The following DISC1 variants were observed in gnomAD, a reference collection of about 807,000 sequenced individuals.
DISC1 encodes disrupted in schizophrenia 1 protein.
DISC1 carries 57 observed loss-of-function variants against 84.5 expected under a neutral mutation model. That is an observed-to-expected ratio of 0.67 (90% CI 0.55 to 0.84). The LOEUF is 0.84. Among genes scored for constraint, DISC1 ranks in the 40% least tolerant of loss-of-function variants. The pLI is 0.00. For missense variants in DISC1, 1,000 were observed against 1,057.8 expected, an observed-to-expected ratio of 0.95 and a Z score of 0.76; for synonymous variants, 411 against 415.2, an observed-to-expected ratio of 0.99 and a Z score of 0.12.
In DISC1 at chr1:231,805,318, T is replaced by C. The variant is rs149362829; in HGVS notation, c.1792+5108T>C. Among the ~76,000 whole-genome samples, 11 of 152,320 alleles carry C rather than the reference T, an allele frequency of 7.2e-5. No homozygotes were observed. In the East Asian group the frequency reaches 1.7e-3, roughly 24 times the overall value. ...TCTCACACTGCTGTAAAGAAATACCTGAGGCTGGGTAATTTATAAAGAAAG... is the reference window on the plus strand; with the variant it reads ...TCTCACACTGCTGTAAAGAAATACCCGAGGCTGGGTAATTTATAAAGAAAG... On this transcript the variant is annotated intron_variant, in intron 8 of 12. Transcript: ENST00000439617.
chr1:231,742,493 C>T (rs1307106737), intron 3 of DISC1, among the ~76,000 whole-genome samples: 1 of 152,132 alleles, frequency 6.6e-6, no homozygotes, highest in Non-Finnish European at 1.5e-5. Flanking sequence ...ATAACTGGGG[C>T]TGAGCATGGT....
chr1:231,987,301 T>A (rs1664582365), intron 10 of DISC1, among the ~76,000 whole-genome samples: 1 of 152,206 alleles, frequency 6.6e-6, no homozygotes, highest in Admixed American at 6.5e-5. Flanking sequence ...TTTTTTCGCT[T>A]AGCCTGAATG....
chr1:232,029,280 A>T (rs111571798), intron 12 of DISC1, among the ~76,000 whole-genome samples: 66 of 152,312 alleles, frequency 4.3e-4, no homozygotes, highest in African/African-American at 1.4e-3. Context: ...GTCTTCTGTC[A>T]CTGATTGAGA....
intron 11 of DISC1, among the ~76,000 whole-genome samples, chr1:232,011,846 G>A (rs1249295543): frequency 6.6e-6 from 1 of 152,144 alleles, no homozygotes; most frequent in East Asian, 1.9e-4. Flanking sequence ...CAGTGCTTTT[G>A]TCTCAGGGCT....
At chr1:231,807,802 A>G (rs2079866995) in intron 8 of DISC1, among the ~76,000 whole-genome samples, 1 of 152,216 alleles carries the variant, frequency 6.6e-6, no homozygotes. Context: ...AAGCTAAACA[A>G]ACACAGCCCT....
intron 8 of DISC1, among the ~76,000 whole-genome samples, chr1:231,807,607 G>A (rs754772679): frequency 1.3e-5 from 2 of 152,134 alleles, no homozygotes; most frequent in Non-Finnish European, 2.9e-5. Context: ...CAGTGGGTAC[G>A]TCTGGTTTTA....
intron 9 of DISC1, among the ~76,000 whole-genome samples, chr1:231,877,994 A>G: frequency 6.6e-6 from 1 of 152,274 alleles, no homozygotes; most frequent in East Asian, 1.9e-4. Context: ...TGCAGCAGAA[A>G]GGAATTAAAC....
chr1:232,026,531 A>G lies in DISC1; in HGVS notation c.2404A>G (p.Ser802Gly), dbSNP rs758566779. ...LEDQLHTAIHSHDEDLIQSLR... is the reference protein window; with the variant it reads ...LEDQLHTAIHGHDEDLIQSLR... ...AGATCAACTTCACACAGCAATCCACAGTCATGATGAAGATCTCATTCATAT... is the reference window on the plus strand; with the variant it reads ...AGATCAACTTCACACAGCAATCCACGGTCATGATGAAGATCTCATTCATAT... The change falls in exon 12 of 13, where the codon AGT (serine) becomes GGT (glycine). Residue 802 changes from serine to glycine, a missense_variant. Transcript: ENST00000439617. 8.7e-6 allele frequency: 14 copies of G among 1,604,374 alleles called. No individual in the cohort carries two copies. The highest frequency in any genetic ancestry group is 1.3e-5 in the African/African-American group (1 of 74,812).
At chr1:231,988,996 A>C (rs1342262923) in intron 10 of DISC1, among the ~76,000 whole-genome samples, 2 of 152,186 alleles carry the variant, frequency 1.3e-5, no homozygotes, top group African/African-American at 2.4e-5. Context: ...CTATGTAAGC[A>C]GCACCAGCCT....
chr1:231,935,978 C>T (rs182029793), intron 9 of DISC1, among the ~76,000 whole-genome samples: 352 of 152,248 alleles, frequency 2.3e-3, no homozygotes, highest in Non-Finnish European at 3.6e-3. Flanking sequence ...GTATTCTTCC[C>T]AACGTAATTA....
In DISC1 at chr1:231,897,949, T is replaced by G. The variant is rs2126019787; in HGVS notation, c.1982-60879T>G. Among the ~76,000 whole-genome samples, 1 of 152,280 alleles carries G rather than the reference T, an allele frequency of 6.6e-6. No homozygotes were observed. Among genetic ancestry groups the G allele is most frequent in the East Asian group, 1.9e-4 (1 of 5,182 alleles). ...CCTCGATTAAATATATACGAGCAAG[T>G]ATTTATTGAATCTCATTTTAAGGAC... On this transcript the variant is annotated intron_variant, in intron 9 of 12. Transcript: ENST00000439617. This position sits in a 1 kb window ranked among gnomAD's most constrained non-coding sequence, Gnocchi z 4.5.
chr1:231,693,002 A>C (rs2065230390), intron 1 of DISC1, among the ~76,000 whole-genome samples: 2 of 152,246 alleles, frequency 1.3e-5, no homozygotes, highest in South Asian at 2.1e-4. Context: ...GCTGTCTACA[A>C]ATAGTAACTC....
intron 10 of DISC1, among the ~76,000 whole-genome samples, chr1:232,008,419 A>C (rs545137427): frequency 6.6e-6 from 1 of 152,318 alleles, no homozygotes; most frequent in South Asian, 2.1e-4. Flanking sequence ...GAATGGACAG[A>C]GAGAGTTGAT....
intron 9 of DISC1, among the ~76,000 whole-genome samples, chr1:231,937,575 C>T (rs531774863): frequency 2.0e-5 from 3 of 152,200 alleles, no homozygotes; most frequent in Non-Finnish European, 4.4e-5. Context: ...AAGGTCCTGG[C>T]CCCCGGCCAG....
At chr1:231,748,391 A>C (rs984696505) in intron 3 of DISC1, among the ~76,000 whole-genome samples, 2 of 152,190 alleles carry the variant, frequency 1.3e-5, no homozygotes, top group African/African-American at 4.8e-5. Context: ...TATGCCATTT[A>C]TTACATTGAG....
chr1:231,830,324 G>T (rs989432885), intron 9 of DISC1, among the ~76,000 whole-genome samples: 1 of 152,138 alleles, frequency 6.6e-6, no homozygotes, highest in Non-Finnish European at 1.5e-5. Flanking sequence ...AGAATTATTG[G>T]TGATGGCCTG....
chr1:231,855,356 A>G (rs1198156349), intron 9 of DISC1: 1 of 982,752 alleles, frequency 1.0e-6, no homozygotes, highest in Non-Finnish European at 1.2e-6. Context: ...AGTACATTAA[A>G]AAGACAAAAA....
intron 9 of DISC1, among the ~76,000 whole-genome samples, chr1:231,884,918 G>A (rs1286066218): frequency 6.6e-6 from 1 of 152,106 alleles, no homozygotes. Flanking sequence ...AATATATAAG[G>A]AGAGGCTTTC....
intron 8 of DISC1, among the ~76,000 whole-genome samples, chr1:231,810,427 G>T (rs1385183547): frequency 6.6e-6 from 1 of 152,198 alleles, no homozygotes; most frequent in African/African-American, 2.4e-5. Flanking sequence ...TAGATCAGTG[G>T]CTGCAGGAGG....
Sources: gnomAD v4.1 joint callset for allele counts (sites outside exome capture counted in the v4.1 genomes callset) on GRCh38, gnomAD v4.1.1 for gene constraint, Gnocchi (gnomAD v3.1) non-coding constraint, MANE v1.5 for transcripts, NCBI Gene and HGNC (gene_info 2026-07-23, HGNC 2026-07-21) for gene names.